The following KCNQ5 variants were observed in gnomAD, a reference collection of about 807,000 sequenced individuals.
KCNQ5 encodes the protein potassium voltage-gated channel subfamily Q member 5.
Under a neutral mutation model 98.2 loss-of-function variants are expected in KCNQ5, and 30 were observed. The ratio of observed to expected loss-of-function variants is 0.31; its 90% CI spans 0.23 to 0.41. The LOEUF (loss-of-function observed/expected upper bound fraction) is 0.41. Among genes scored for constraint, KCNQ5 ranks in the 10% least tolerant of loss-of-function variants. The pLI is 1.00. For synonymous variants in KCNQ5, 458 were observed against 449.4 expected, an observed-to-expected ratio of 1.02 and a Z score of -0.24; for missense variants, 835 against 1,182.5, an observed-to-expected ratio of 0.71 and a Z score of 4.31.
intron 1 of KCNQ5, among the ~76,000 whole-genome samples, chr6:72,644,864 A>T (rs1765506000): frequency 6.6e-6 from 1 of 152,158 alleles, no homozygotes; most frequent in Non-Finnish European, 1.5e-5. Flanking sequence ...ACAAGGTTTT[A>T]TTTGAGCCAA....
intron 11 of KCNQ5, among the ~76,000 whole-genome samples, chr6:73,173,682 G>T (rs1778098032): frequency 6.6e-6 from 1 of 151,952 alleles, no homozygotes; most frequent in African/African-American, 2.4e-5. Context: ...AGGCATGGTG[G>T]CTTATACCTG....
chr6:72,964,925 C>G (rs958126882), intron 1 of KCNQ5, among the ~76,000 whole-genome samples: 1 of 145,218 alleles, frequency 6.9e-6, no homozygotes, highest in Admixed American at 7.2e-5. Flanking sequence ...CTGTTTTTCA[C>G]ATTTTCGTGC....
At chr6:73,186,173 G>C (rs1778564226) in intron 11 of KCNQ5, among the ~76,000 whole-genome samples, 1 of 152,010 alleles carries the variant, frequency 6.6e-6, no homozygotes, top group Non-Finnish European at 1.5e-5. Context: ...GCTGCAATGA[G>C]CCATGATTGT....
chr6:72,971,574 T>C (rs962074321), intron 1 of KCNQ5, among the ~76,000 whole-genome samples: 3 of 152,116 alleles, frequency 2.0e-5, no homozygotes, highest in African/African-American at 7.2e-5. Flanking sequence ...CTATTCACAA[T>C]AGCAAAGACC....
intron 9 of KCNQ5, among the ~76,000 whole-genome samples, chr6:73,127,526 G>A (rs568704930): frequency 2.0e-4 from 30 of 152,292 alleles, no homozygotes; most frequent in East Asian, 7.7e-4. Flanking sequence ...ACCAAAGGAC[G>A]GAGCCATGAC....
chr6:73,012,343 C>T (rs1429236254), intron 2 of KCNQ5, among the ~76,000 whole-genome samples: 12 of 151,828 alleles, frequency 7.9e-5, no homozygotes, highest in Non-Finnish European at 1.8e-4. Flanking sequence ...GACATTATGC[C>T]AAGTGAAATA....
At chr6:72,650,506 C>G (rs947652542) in intron 1 of KCNQ5, among the ~76,000 whole-genome samples, 1 of 152,154 alleles carries the variant, frequency 6.6e-6, no homozygotes, top group Non-Finnish European at 1.5e-5. Context: ...CTGGCTTAGA[C>G]ATCTTGACAC....
chr6:72,686,918 A>G (rs1384762971), intron 1 of KCNQ5, among the ~76,000 whole-genome samples: 1 of 152,144 alleles, frequency 6.6e-6, no homozygotes, highest in Non-Finnish European at 1.5e-5. Context: ...ATATCTCAAA[A>G]AGTCATAAAA....
chr6:73,059,618 T>C (rs551757988), intron 3 of KCNQ5, among the ~76,000 whole-genome samples: 2 of 152,286 alleles, frequency 1.3e-5, no homozygotes, highest in Non-Finnish European at 2.9e-5. Flanking sequence ...GAATGTTTCA[T>C]AGCATTAAAT....
intron 3 of KCNQ5, among the ~76,000 whole-genome samples, chr6:73,042,346 A>C (rs1269604841): frequency 1.3e-5 from 2 of 152,196 alleles, no homozygotes; most frequent in Admixed American, 1.3e-4. Context: ...TAGAGCTTGA[A>C]TTTTAGCCAG....
intron 2 of KCNQ5, among the ~76,000 whole-genome samples, chr6:73,026,267 CTA>C (rs1254357103): frequency 6.6e-6 from 1 of 152,200 alleles, no homozygotes; most frequent in Non-Finnish European, 1.5e-5. Context: ...GACCTAAAAA[CTA>C]TGTAGGGACA....
chr6:73,060,265 A>T (rs1320289525), intron 3 of KCNQ5, among the ~76,000 whole-genome samples: 1 of 152,170 alleles, frequency 6.6e-6, no homozygotes, highest in Non-Finnish European at 1.5e-5. Context: ...TTATTTTCTC[A>T]AAGTTAGAAA....
Position 73,021,149 on chromosome 6 carries a change from C to A in KCNQ5, c.489+17151C>A, listed in dbSNP as rs145877834. ...TCCAGGAGTTGTTACATTCCCTACC[C>A]TTGTGTTCTGGGGTTCAACACAGCT... On this transcript the variant is annotated intron_variant, in intron 2 of 13. Transcript: ENST00000370398. 8.1e-4 allele frequency among the ~76,000 whole-genome samples: 124 copies of A among 152,270 alleles called. 1 individual carries two copies. Among genetic ancestry groups the A allele is most frequent in the African/African-American group, 2.9e-3 (119 of 41,552 alleles).
intron 3 of KCNQ5, among the ~76,000 whole-genome samples, chr6:73,062,650 T>A (rs1288634623): frequency 6.6e-6 from 1 of 152,214 alleles, no homozygotes; most frequent in African/African-American, 2.4e-5. Flanking sequence ...TCAGAGGTTT[T>A]CAAAAGGATA....
At chr6:72,978,926 T>C (rs1768290357) in intron 1 of KCNQ5, among the ~76,000 whole-genome samples, 4 of 152,046 alleles carry the variant, frequency 2.6e-5, no homozygotes, top group Non-Finnish European at 5.9e-5. Flanking sequence ...GAACATGCAG[T>C]GTTTGGTTTT....
chr6:72,842,090 A>C (rs1051098477), intron 1 of KCNQ5, among the ~76,000 whole-genome samples: 8 of 152,192 alleles, frequency 5.3e-5, no homozygotes, highest in African/African-American at 1.9e-4. Context: ...ACATTCACAC[A>C]CATCACGAAG....
intron 1 of KCNQ5, among the ~76,000 whole-genome samples, chr6:72,759,790 T>A (rs1582236881): frequency 6.6e-6 from 1 of 151,976 alleles, no homozygotes; most frequent in East Asian, 1.9e-4. Context: ...TATTTTCTAG[T>A]CACATTAAAA....
chr6:72,842,933 G>T (rs1357020084), intron 1 of KCNQ5, among the ~76,000 whole-genome samples: 2 of 152,072 alleles, frequency 1.3e-5, no homozygotes, highest in Non-Finnish European at 2.9e-5. Flanking sequence ...CCATTCTGTA[G>T]GTTGCCTGTT....
intron 1 of KCNQ5, among the ~76,000 whole-genome samples, chr6:72,625,711 G>A (rs950521629): frequency 9.9e-5 from 15 of 152,200 alleles, no homozygotes; most frequent in Non-Finnish European, 2.1e-4. Flanking sequence ...GAGACAAGAA[G>A]AAGTCACCCA....
Sources: allele counts gnomAD v4.1 joint callset (sites outside exome capture counted in the v4.1 genomes callset), GRCh38; gene constraint gnomAD v4.1.1; transcripts MANE v1.5; gene names NCBI Gene and HGNC (gene_info 2026-07-23, HGNC 2026-07-21).